CAPZB: variants seen among roughly 807,000 people sequenced by gnomAD.
The protein encoded by CAPZB is F-actin-capping protein subunit beta.
In CAPZB, 2 loss-of-function variants were observed where a neutral mutation model predicts 38.1. That is an observed-to-expected ratio of 0.05 (90% CI 0.02 to 0.17). The LOEUF (loss-of-function observed/expected upper bound fraction) is 0.17, where lower values mean the gene tolerates loss of function less well. Among genes scored for constraint, CAPZB ranks in the 10% least tolerant of loss-of-function variants. CAPZB has a pLI of 1.00. For missense variants in CAPZB, 161 were observed against 334.2 expected (o/e 0.48, Z 4.04); for synonymous variants, 107 against 127.4 (o/e 0.84, Z 1.08).
At chr1:19,372,789 G>A (rs906077394) in intron 4 of CAPZB, among the ~76,000 whole-genome samples, 6 of 152,146 alleles carry the variant, frequency 3.9e-5, no homozygotes, top group African/African-American at 1.4e-4. Context: ...CTGCCTCAGT[G>A]CTCAGTTCTC....
chr1:19,338,962 CA>C lies in CAPZB; in HGVS notation c.*567del, dbSNP rs148424975. ...GCCGGAAGAGCGGAACGGTCGGCGG[CA>C]CCCCCCCCAGCCCCCACCCCGCGGC... On this transcript the variant is annotated 3_prime_UTR_variant, in exon 9 of 9. Transcript: ENST00000264202. 13,738 of 146,774 alleles carry C rather than the reference CA, an allele frequency of 0.094. 828 individuals are homozygous for C. The highest frequency in any genetic ancestry group is 0.14 in the East Asian group (668 of 4,872). 9.1% of individuals were successfully genotyped at this position (146,774 alleles called of 1,614,324 possible).
At chr1:19,460,969 A>T (rs1055204735) in intron 1 of CAPZB, among the ~76,000 whole-genome samples, 1 of 151,992 alleles carries the variant, frequency 6.6e-6, no homozygotes, top group Non-Finnish European at 1.5e-5. Flanking sequence ...GTTCAAAACC[A>T]ACCCAGGAGC....
intron 1 of CAPZB, among the ~76,000 whole-genome samples, chr1:19,474,878 G>A (rs2094601625): frequency 6.6e-6 from 1 of 152,160 alleles, no homozygotes; most frequent in Non-Finnish European, 1.5e-5. Context: ...TTCCAGAAGA[G>A]TGACTTGTAT....
At chr1:19,380,295 G>A (rs374557117) in intron 3 of CAPZB, among the ~76,000 whole-genome samples, 22 of 152,342 alleles carry the variant, frequency 1.4e-4, no homozygotes, top group African/African-American at 5.3e-4. Flanking sequence ...AAGGAGCCTT[G>A]GAAATCCTTG....
chr1:19,422,686 C>G (rs953145459), intron 1 of CAPZB, among the ~76,000 whole-genome samples: 1 of 151,778 alleles, frequency 6.6e-6, no homozygotes, highest in Non-Finnish European at 1.5e-5. Context: ...GCAGTGAGCC[C>G]AGATCACTCC....
rs3838432 is a variant in CAPZB at position 19,375,652 on chromosome 1, TA to T, written c.329+2887del. ...CAGTTTACCTTCAGAGAGGAGTGTGTAGGCAAGTCAAAGGCACACAGAAATC... is the reference window on the plus strand; with the variant it reads ...CAGTTTACCTTCAGAGAGGAGTGTGTGGCAAGTCAAAGGCACACAGAAATC... On this transcript the variant is annotated intron_variant, in intron 4 of 8. Transcript: ENST00000264202. Among the ~76,000 whole-genome samples, 288 of 152,300 alleles carry T rather than the reference TA, an allele frequency of 1.9e-3. 6 individuals carry two copies. The East Asian group carries it at 0.05, about 26-fold the overall frequency.
chr1:19,436,662 C>T (rs911436042), intron 1 of CAPZB, among the ~76,000 whole-genome samples: 1 of 142,098 alleles, frequency 7.0e-6, no homozygotes, highest in Non-Finnish European at 1.6e-5. Context: ...GGAGTATATC[C>T]CCCATAGCTA....
chr1:19,462,638 A>G (rs1382304227), intron 1 of CAPZB, among the ~76,000 whole-genome samples: 1 of 152,176 alleles, frequency 6.6e-6, no homozygotes, highest in Non-Finnish European at 1.5e-5. Flanking sequence ...TAATAACCAC[A>G]TATGAAACAA....
chr1:19,451,740 TC>T (rs2094516795), intron 1 of CAPZB, among the ~76,000 whole-genome samples: 1 of 138,830 alleles, frequency 7.2e-6, no homozygotes, highest in Non-Finnish European at 1.6e-5. Flanking sequence ...CAATAATGTG[TC>T]CTCTAATCTA....
At chr1:19,440,786 CG>C (rs2094473374) in intron 1 of CAPZB, among the ~76,000 whole-genome samples, 1 of 152,188 alleles carries the variant, frequency 6.6e-6, no homozygotes, top group Non-Finnish European at 1.5e-5. Flanking sequence ...CTAGGCCGGG[CG>C]CGGTGGCTCA....
intron 2 of CAPZB, among the ~76,000 whole-genome samples, chr1:19,395,402 T>C (rs2100301741): frequency 6.6e-6 from 1 of 152,252 alleles, no homozygotes; most frequent in African/African-American, 2.4e-5. Flanking sequence ...GCCCTGACCA[T>C]CCAGAGATAA....
At chr1:19,442,825 TTAG>T (rs1281670637) in intron 1 of CAPZB, among the ~76,000 whole-genome samples, 1 of 152,180 alleles carries the variant, frequency 6.6e-6, no homozygotes, top group East Asian at 1.9e-4. Flanking sequence ...CGGTTTGTTT[TTAG>T]GAAAGTTCCG....
Position 19,443,490 on chromosome 1 carries a change from C to A in CAPZB, c.4-23740G>T, listed in dbSNP as rs572878956. 6.6e-5 allele frequency among the ~76,000 whole-genome samples: 10 copies of A among 152,300 alleles called. No individual in the cohort carries two copies. The South Asian group carries it at 1.7e-3, about 25-fold the overall frequency. On this transcript the variant is annotated intron_variant, in intron 1 of 8. Coordinates refer to ENST00000264202, the MANE Select transcript of CAPZB (RefSeq NM_004930.5). ...AGCCACGGCAGCACCACTGGACTTA[C>A]GGCCTGGCTTTAGGGAGACCTCAGA...
At chr1:19,474,954 G>A (rs1480197179) in intron 1 of CAPZB, among the ~76,000 whole-genome samples, 11 of 152,254 alleles carry the variant, frequency 7.2e-5, no homozygotes, top group East Asian at 3.9e-4. Context: ...CATGGTCTGC[G>A]AGGCCCAGAA....
chr1:19,483,210 A>T (rs559239630), intron 1 of CAPZB, among the ~76,000 whole-genome samples: 1 of 142,042 alleles, frequency 7.0e-6, no homozygotes, highest in South Asian at 2.3e-4. Flanking sequence ...TGGGCAATAA[A>T]TACTGCTCCT....
chr1:19,352,783 T>C (rs1022568452), intron 6 of CAPZB, among the ~76,000 whole-genome samples: 60 of 152,234 alleles, frequency 3.9e-4, no homozygotes, highest in Admixed American at 2.9e-3. Flanking sequence ...AAACATCTTT[T>C]GGTGGTTGGA....
At chr1:19,394,728 A>C (rs1247995011) in intron 2 of CAPZB, among the ~76,000 whole-genome samples, 2 of 152,176 alleles carry the variant, frequency 1.3e-5, no homozygotes, top group East Asian at 3.9e-4. Context: ...AATACAAAAC[A>C]AAACAAAACA....
rs181871254 is a variant in CAPZB, at chr1:19,348,522, G to A, written c.589-3270C>T. Reference sequence around the variant, plus strand: ...GGTGGGTGGGGAGGGATGTGTGTGTGCTAGGGGAGACACAAGAGATTCTGG... The same window carrying A: ...GGTGGGTGGGGAGGGATGTGTGTGTACTAGGGGAGACACAAGAGATTCTGG... On this transcript the variant is annotated intron_variant, in intron 6 of 8. Coordinates refer to ENST00000264202, the MANE Select transcript of CAPZB (RefSeq NM_004930.5). 2.2e-3 allele frequency among the ~76,000 whole-genome samples: 338 copies of A among 152,228 alleles called. 3 individuals carry two copies. The highest frequency in any genetic ancestry group is 7.9e-3 in the African/African-American group (327 of 41,530).
chr1:19,418,164 A>AAAAC, intron 2 of CAPZB, among the ~76,000 whole-genome samples: 1 of 143,260 alleles, frequency 7.0e-6, no homozygotes, highest in African/African-American at 2.6e-5. Context: ...AAAAAAAAAA[A>AAAAC]ACCACCACAC....
Sources: allele counts gnomAD v4.1 joint callset (sites outside exome capture counted in the v4.1 genomes callset), GRCh38; gene constraint gnomAD v4.1.1; transcripts MANE v1.5; gene names NCBI Gene and HGNC (gene_info 2026-07-23, HGNC 2026-07-21).